The following DRAP1 variants were observed in gnomAD, a reference collection of about 807,000 sequenced individuals.
DRAP1 encodes dr1-associated corepressor.
Under a neutral mutation model 24.1 loss-of-function variants are expected in DRAP1, and 10 were observed. That is an observed-to-expected ratio of 0.41 (90% CI 0.26 to 0.70). The LOEUF is 0.70. Ranked by LOEUF, DRAP1 falls within the 30% of genes least tolerant of loss-of-function variation. The pLI, the probability that DRAP1 is intolerant of heterozygous loss-of-function variation, is 0.29. For missense variants in DRAP1, 264 were observed against 275.6 expected (o/e 0.96, Z 0.30); for synonymous variants, 122 against 113.8 (o/e 1.07, Z -0.46).
rs1854533414 is a variant in DRAP1, at chr11:65,920,430, C to T, written c.297C>T (p.Asp99=). ...SVPDMQGDGE[D]NHMDGDKGAR... ...CCGACATGCAGGGGGACGGGGAAGACAACCACATGGATGGGGACAAGGGCG... is the reference window on the plus strand; with the variant it reads ...CCGACATGCAGGGGGACGGGGAAGATAACCACATGGATGGGGACAAGGGCG... Residue 99 remains aspartate, a synonymous_variant, in exon 4 of 7, where the codon GAC becomes GAT. Transcript: ENST00000312515. 6.2e-7 allele frequency: 1 copy of T among 1,614,120 alleles called. No individual in the cohort carries two copies. The highest frequency in any genetic ancestry group is 8.5e-7 in the Non-Finnish European group (1 of 1,180,020).
chr11:65,919,491 G>A lies in DRAP1; in HGVS notation c.-11G>A. The A allele has an allele frequency of 6.5e-7, 1 of 1,537,356 alleles. No individual in the cohort carries two copies. Among genetic ancestry groups the A allele is most frequent in the Non-Finnish European group, 8.8e-7 (1 of 1,142,200 alleles). ...CGGCGCTGGACCCGACGCGGCGAGA[G>A]AGGCCCCGAGATGCCGAGCAAGAAG... On this transcript the variant is annotated 5_prime_UTR_variant, in exon 1 of 7. Coordinates refer to ENST00000312515, the MANE Select transcript of DRAP1 (RefSeq NM_006442.4).
In DRAP1 at chr11:65,919,777, C is replaced by G. The variant is rs1854524252; in HGVS notation, c.43-3C>G. 1 of 1,613,068 alleles carries G rather than the reference C, an allele frequency of 6.2e-7. No individual in the cohort carries two copies. The highest frequency in any genetic ancestry group is 8.5e-7 in the Non-Finnish European group (1 of 1,179,948). On this transcript the variant is annotated splice_region_variant and splice_polypyrimidine_tract_variant and intron_variant, in intron 1 of 6. Coordinates refer to ENST00000312515, the MANE Select transcript of DRAP1 (RefSeq NM_006442.4). Reference sequence around the variant, plus strand: ...GGTCTGAACTCTGCTCCCCCACCCGCAGGCGCGGATCAAGAAGATCATGCA... The same window carrying G: ...GGTCTGAACTCTGCTCCCCCACCCGGAGGCGCGGATCAAGAAGATCATGCA...
At chr11:65,919,753 G>A (rs1591101295) in intron 1 of DRAP1, 27 bp from the exon 2 acceptor site, 2 of 1,612,558 alleles carry the variant, frequency 1.2e-6, no homozygotes, top group African/African-American at 2.7e-5. Flanking sequence ...TGGCGACGGG[G>A]TCTGAACTCT....
At position 65,920,077 on chromosome 11, in the gene DRAP1, T is replaced by A. The variant is rs201120412; in HGVS notation, c.209+36T>A. On this transcript the variant is annotated intron_variant, in intron 3 of 6. Transcript: ENST00000312515. Reference sequence around the variant, plus strand: ...AGGAGCCGGGAGGGGCCGGCGGGTTTGGCGCGGGGAGTTCACACACTGAGG... The same window carrying A: ...AGGAGCCGGGAGGGGCCGGCGGGTTAGGCGCGGGGAGTTCACACACTGAGG... The A allele has an allele frequency of 7.4e-4, 1,179 of 1,602,826 alleles. 1 individual carries two copies. Among genetic ancestry groups the A allele is most frequent in the Non-Finnish European group, 9.3e-4 (1,087 of 1,174,950 alleles).
At position 65,919,562 on chromosome 11, in the gene DRAP1, C is replaced by A; in HGVS notation, c.42+19C>A. 6.5e-7 allele frequency: 1 copy of A among 1,548,356 alleles called. No individual in the cohort carries two copies. Among genetic ancestry groups the A allele is most frequent in the Non-Finnish European group, 8.7e-7 (1 of 1,146,002 alleles). The stretch of plus-strand genomic sequence containing the variant: ...CCCGCCGGTGAGCACGTGGCAGAGC[C>A]CGGCAGGAGTGGGCCCGGCTCCCGG... On this transcript the variant is annotated intron_variant, in intron 1 of 6. Transcript: ENST00000312515.
rs377464384 is a variant in DRAP1, at chr11:65,920,198, G to A, written c.210-145G>A. The A allele has an allele frequency of 1.0e-4, 146 of 1,438,228 alleles. 1 individual carries two copies. In the East Asian group the frequency reaches 1.8e-3, roughly 18 times the overall value. The allele number at this position is 1,438,228 out of a possible 1,614,324, so 89.1% of individuals were successfully genotyped here. A position where few individuals can be genotyped will look rare whatever the true frequency, so the allele number is the denominator to read the frequency against. ...GAGAGGCTGGGCTTCCAGGCAGAGGGAGCCACCTGAGTAAAGCAGGGCAGG... is the reference window on the plus strand; with the variant it reads ...GAGAGGCTGGGCTTCCAGGCAGAGGAAGCCACCTGAGTAAAGCAGGGCAGG... On this transcript the variant is annotated intron_variant, in intron 3 of 6. Transcript: ENST00000312515.
rs753348441 is a variant in DRAP1 at position 65,920,465 on chromosome 11, G to A, written c.329+3G>A. On this transcript the variant is annotated splice_donor_region_variant and intron_variant, in intron 4 of 6. Transcript: ENST00000312515. ...GATGGGGACAAGGGCGCCCGCAGGT[G>A]GGGCCAGGGCCTGGCATACAGTGGG... is the stretch of plus-strand genomic sequence containing the variant. The A allele has an allele frequency of 3.0e-5, 48 of 1,613,900 alleles. No homozygotes were observed. Among genetic ancestry groups the A allele is most frequent in the Non-Finnish European group, 3.9e-5 (46 of 1,179,956 alleles).
rs1416187556 is a variant in DRAP1 at position 65,919,797 on chromosome 11, C to T, written c.60C>T (p.Ile20=). 36 of 1,613,080 alleles carry T rather than the reference C, an allele frequency of 2.2e-5. No individual in the cohort carries two copies. The highest frequency in any genetic ancestry group is 3.0e-5 in the Non-Finnish European group (35 of 1,179,952). ...ARFPPARIKK[I]MQTDEEIGKV... ...ACCCGCAGGCGCGGATCAAGAAGATCATGCAGACGGACGAAGAGATTGGGA... is the reference window on the plus strand; with the variant it reads ...ACCCGCAGGCGCGGATCAAGAAGATTATGCAGACGGACGAAGAGATTGGGA... The change falls in exon 2 of 7, where the codon ATC becomes ATT. Residue 20 remains isoleucine, a synonymous_variant. Coordinates refer to ENST00000312515, the MANE Select transcript of DRAP1 (RefSeq NM_006442.4).
intron 2 of DRAP1, 41 bp downstream of exon 2, chr11:65,919,893 A>T (rs1464947765): frequency 1.2e-6 from 2 of 1,612,820 alleles, no homozygotes; most frequent in African/African-American, 1.3e-5. Context: ...GGCGTGGGGG[A>T]GGGAGGCAGC....
chr11:65,921,209 C>G, intron 6 of DRAP1, 121 bp from the exon 7 acceptor site: 6 of 733,364 alleles, frequency 8.2e-6, no homozygotes, highest in Non-Finnish European at 1.1e-5. Flanking sequence ...GGGCCTTGGC[C>G]GCATGGATCT....
rs199945469 is a variant in DRAP1 at position 65,920,867 on chromosome 11, C to T, written c.424-17C>T. ...CGTGTCTTTTCTTGTCAACTCTGAC[C>T]TCTGCGGTGCTCACAGGATGAATCT... is the stretch of plus-strand genomic sequence containing the variant. On this transcript the variant is annotated splice_polypyrimidine_tract_variant and intron_variant, in intron 5 of 6. Transcript: ENST00000312515. 2.1e-4 allele frequency: 343 copies of T among 1,606,532 alleles called. No individual in the cohort carries two copies. The Middle Eastern group carries it at 2.2e-3, about 10-fold the overall frequency.
chr11:65,919,684 C>G (rs1041056167), intron 1 of DRAP1, 96 bp from the exon 2 acceptor site: 63 of 1,539,000 alleles, frequency 4.1e-5, no homozygotes, highest in Non-Finnish European at 5.3e-5. Flanking sequence ...GCGTCCGTGT[C>G]CCCCGCCCCC....
At position 65,919,934 on chromosome 11, in the gene DRAP1, T is replaced by C; in HGVS notation, c.116-14T>C. ...GCCCTCTCCTGCCCCGGAGTTCTCC[T>C]TGACGCTCCTCAGCCCGGGCGCTCG... On this transcript the variant is annotated splice_polypyrimidine_tract_variant and intron_variant, in intron 2 of 6. Transcript: ENST00000312515. 6.2e-7 allele frequency: 1 copy of C among 1,613,802 alleles called. No homozygotes were observed. The highest frequency in any genetic ancestry group is 8.5e-7 in the Non-Finnish European group (1 of 1,179,906).
At chr11:65,919,712 C>T (rs2134832941) in intron 1 of DRAP1, 68 bp from the exon 2 acceptor site, 2 of 1,596,534 alleles carry the variant, frequency 1.3e-6, no homozygotes, top group South Asian at 1.1e-5. Context: ...GGGGATGCCC[C>T]TTCCTCCCCC....
In DRAP1 at chr11:65,920,275, C is replaced by T. The variant is rs992635538; in HGVS notation, c.210-68C>T. 7 of 1,603,306 alleles carry T rather than the reference C, an allele frequency of 4.4e-6. No individual in the cohort carries two copies. In the South Asian group the frequency reaches 5.6e-5, roughly 13 times the overall value. ...CCAGCCTGACATCTGGGGCCCCTTG[C>T]TGCCACCCACTGCGGGTTTGGGTGT... On this transcript the variant is annotated intron_variant, in intron 3 of 6. Transcript: ENST00000312515.
In DRAP1 at chr11:65,919,837, G is replaced by A; in HGVS notation, c.100G>A (p.Val34Met). 6.2e-7 allele frequency: 1 copy of A among 1,612,970 alleles called. No individual in the cohort carries two copies. Among genetic ancestry groups the A allele is most frequent in the Non-Finnish European group, 8.5e-7 (1 of 1,179,954 alleles). ...AGAGATTGGGAAGGTGGCGGCGGCG[G>A]TGCCTGTCATCATCTGTATCCTGCC... is the stretch of plus-strand genomic sequence containing the variant. ...DEEIGKVAAA[V>M]PVIISRALEL... The change falls in exon 2 of 7, where the codon GTG becomes ATG. Residue 34 changes from valine to methionine, a missense_variant. By Grantham distance (21) the Val-to-Met change is conservative (BLOSUM62 1). Around this residue, in one of 2 missense-constraint regions of DRAP1, gnomAD observed 243 missense variants for 233.6 expected, o/e 1.04. Transcript: ENST00000312515.
rs1324626841 is a variant in DRAP1 at position 65,919,436 on chromosome 11, C to T, written c.-66C>T. On this transcript the variant is annotated 5_prime_UTR_variant, in exon 1 of 7. Transcript: ENST00000312515. ...GGAACCGCGACGGGCGGGCGGCGAG[C>T]AGGCCCGGGAGCCGGGAGGCTGCGG... The T allele has an allele frequency of 8.1e-6, 12 of 1,476,446 alleles. No homozygotes were observed. Among genetic ancestry groups the T allele is most frequent in the African/African-American group, 1.5e-5 (1 of 67,420 alleles). The allele number at this position is 1,476,446 out of a possible 1,614,324, so 91.5% of individuals were successfully genotyped here. A position where few individuals can be genotyped will look rare whatever the true frequency, so the allele number is the denominator to read the frequency against.
chr11:65,919,888 G>T (rs576908976), intron 2 of DRAP1, 36 bp downstream of exon 2: 2 of 1,613,304 alleles, frequency 1.2e-6, no homozygotes, highest in Non-Finnish European at 8.5e-7. Context: ...CGAGGGGCGT[G>T]GGGGAGGGAG....
intron 1 of DRAP1, 90 bp from the exon 2 acceptor site, chr11:65,919,690 C>A: frequency 6.4e-7 from 1 of 1,556,342 alleles, no homozygotes; most frequent in South Asian, 1.2e-5. Context: ...GTGTCCCCCG[C>A]CCCCTTTCTC....
Sources: gnomAD v4.1 joint callset for allele counts on GRCh38, gnomAD v4.1.1 for gene constraint, gnomAD v4.1.1 regional missense constraint, MANE v1.5 for transcripts, NCBI Gene and HGNC (gene_info 2026-07-23, HGNC 2026-07-21) for gene names.